IRAG2: variants seen among roughly 807,000 people sequenced by gnomAD.
The protein encoded by IRAG2 is lymphoid restricted membrane protein.
Under a neutral mutation model 69.9 loss-of-function variants are expected in IRAG2, and 45 were observed. That is an observed-to-expected ratio of 0.64 (90% CI 0.51 to 0.83). The LOEUF (loss-of-function observed/expected upper bound fraction) is 0.83, where lower values mean the gene tolerates loss of function less well. IRAG2 is among the 40% of genes least tolerant of loss of function. The pLI, the probability that IRAG2 is intolerant of heterozygous loss-of-function variation, is 0.00. For missense variants in IRAG2, 520 were observed against 587.0 expected (o/e 0.89, Z 1.18); for synonymous variants, 193 against 202.4 (o/e 0.95, Z 0.40).
rs114693601 is a variant in IRAG2, at chr12:25,079,875, G to A, written c.244+112G>A. On this transcript the variant is annotated intron_variant, in intron 9 of 21. Coordinates refer to ENST00000556887, the MANE Select transcript of IRAG2 (RefSeq NM_001366544.2). Reference sequence around the variant, plus strand: ...TCAATAATGTTATTTAATTTTTTTTGTAAAATAATTCTTATAAAACAATTT... The same window carrying A: ...TCAATAATGTTATTTAATTTTTTTTATAAAATAATTCTTATAAAACAATTT... The A allele has an allele frequency of 2.2e-3, 1,405 of 637,038 alleles. 13 individuals carry two copies. Among genetic ancestry groups the A allele is most frequent in the African/African-American group, 0.017 (911 of 54,134 alleles). The allele number at this position is 637,038 out of a possible 1,614,324, so 39.5% of individuals were successfully genotyped here. A position where few individuals can be genotyped will look rare whatever the true frequency, so the allele number is the denominator to read the frequency against.
intron 10 of IRAG2, chr12:25,030,372 G>A (rs1027397597): frequency 1.7e-6 from 2 of 1,203,796 alleles, no homozygotes; most frequent in Admixed American, 8.5e-5. Flanking sequence ...CCATGGAATT[G>A]GCTAGCTCTC....
upstream of IRAG2, among the ~76,000 whole-genome samples, chr12:25,001,893 C>T (rs1234993824): frequency 6.6e-6 from 1 of 151,874 alleles, no homozygotes; most frequent in Non-Finnish European, 1.5e-5. Flanking sequence ...CCTCAGCCTC[C>T]TGAGTAGCTG....
chr12:25,013,789 C>T (rs1407847823), intron 3 of IRAG2, among the ~76,000 whole-genome samples: 8 of 149,012 alleles, frequency 5.4e-5, no homozygotes, highest in African/African-American at 2.0e-4. Flanking sequence ...TAAAAATATG[C>T]ATAGGAAAAT....
intron 8 of IRAG2, among the ~76,000 whole-genome samples, chr12:25,026,294 A>G (rs1944620970): frequency 6.6e-6 from 1 of 152,224 alleles, no homozygotes; most frequent in South Asian, 2.1e-4. Context: ...TTCTTTAAGC[A>G]TGTTCATCTG....
intron 10 of IRAG2, chr12:25,031,179 G>A (rs1944664925): frequency 1.8e-6 from 1 of 552,958 alleles, no homozygotes; most frequent in Non-Finnish European, 2.3e-6. Flanking sequence ...CATAGCTGTG[G>A]ACTTTGACTG....
chr12:25,060,044 A>T lies in IRAG2; in HGVS notation c.-446-1548A>T, dbSNP rs574982319. ...AATTTTCCTGGCTGTTAGTGATTTT[A>T]AAAAAAAGTGGTAGCTATTAATATG... On this transcript the variant is annotated intron_variant, in intron 1 of 21. Coordinates refer to ENST00000556887, the MANE Select transcript of IRAG2 (RefSeq NM_001366544.2). Among the ~76,000 whole-genome samples the T allele has an allele frequency of 2.7e-3, 411 of 152,068 alleles. 1 individual carries two copies. Among genetic ancestry groups the T allele is most frequent in the Non-Finnish European group, 4.1e-3 (279 of 67,972 alleles).
exon 2 of IRAG2, chr12:25,005,272 A>G: frequency 1.6e-6 from 2 of 1,230,650 alleles, no homozygotes; most frequent in Non-Finnish European, 1.0e-6. Context: ...ATGGTAAAGA[A>G]GATGTAATAT....
At chr12:25,088,225 C>T (rs1947780555) in intron 11 of IRAG2, 68 bp downstream of exon 11, 1 of 1,287,898 alleles carries the variant, frequency 7.8e-7, no homozygotes, top group Non-Finnish European at 1.1e-6. Flanking sequence ...TGGGTGAAAT[C>T]TGTCTGAATA....
chr12:25,015,842 A>G (rs894630044), intron 5 of IRAG2, among the ~76,000 whole-genome samples: 1 of 152,340 alleles, frequency 6.6e-6, no homozygotes, highest in Admixed American at 6.5e-5. Flanking sequence ...TTGGGTATTA[A>G]GGAGAGTGAT....
chr12:25,027,999 C>T (rs1387698942), intron 9 of IRAG2, among the ~76,000 whole-genome samples: 1 of 152,054 alleles, frequency 6.6e-6, no homozygotes, highest in East Asian at 1.9e-4. Flanking sequence ...GATTTTGGCT[C>T]ACTGCAACCT....
intron 6 of IRAG2, among the ~76,000 whole-genome samples, chr12:25,077,352 G>GATATATGAAAT (rs1565563532): frequency 2.1e-4 from 5 of 24,048 alleles, no homozygotes; most frequent in African/African-American, 6.4e-4. Context: ...ATATATATAT[G>GATATATGAAAT]ATATATATGA....
chr12:25,070,765 T>C (rs1946291215), intron 6 of IRAG2, among the ~76,000 whole-genome samples: 1 of 152,220 alleles, frequency 6.6e-6, no homozygotes, highest in African/African-American at 2.4e-5. Context: ...CAGCAATGTA[T>C]GAAGATTCCG....
At chr12:25,018,314 C>T (rs1944549323) in intron 6 of IRAG2, among the ~76,000 whole-genome samples, 1 of 149,108 alleles carries the variant, frequency 6.7e-6, no homozygotes, top group Non-Finnish European at 1.5e-5. Flanking sequence ...GATCTTCTGG[C>T]CTCACCCCCC....
At chr12:25,013,881 T>C (rs1944498828) in intron 3 of IRAG2, among the ~76,000 whole-genome samples, 1 of 130,552 alleles carries the variant, frequency 7.7e-6, no homozygotes, top group African/African-American at 2.8e-5. Flanking sequence ...TTTTTTTTTT[T>C]TTTTTTTTTT....
At chr12:25,036,214 G>C (rs1042905614) in intron 14 of IRAG2, among the ~76,000 whole-genome samples, 2 of 152,182 alleles carry the variant, frequency 1.3e-5, no homozygotes, top group Non-Finnish European at 2.9e-5. Context: ...CCCTTTCATA[G>C]TGCCTAGCAT....
chr12:25,103,858 A>C lies in IRAG2; in HGVS notation c.955A>C (p.Thr319Pro). The C allele has an allele frequency of 6.2e-7, 1 of 1,613,170 alleles. No individual in the cohort carries two copies. Among genetic ancestry groups the C allele is most frequent in the Non-Finnish European group, 8.5e-7 (1 of 1,179,294 alleles). ...GTAGCCATCTTCTCTACGAAGAGTG[A>C]CTATTGCCTCTTTACCCAGAAATAT... ...NSKPSSLRRVTIASLPRNIGN... is the reference protein window; with the variant it reads ...NSKPSSLRRVPIASLPRNIGN... Residue 319 changes from threonine to proline, a missense_variant, in exon 18 of 22, where the codon ACT becomes CCT. Transcript: ENST00000556887.
chr12:25,055,018 A>T (rs1945143874), intron 1 of IRAG2, among the ~76,000 whole-genome samples: 1 of 152,262 alleles, frequency 6.6e-6, no homozygotes, highest in South Asian at 2.1e-4. Context: ...AAAACAAAAC[A>T]TATTTATATC....
At chr12:25,064,822 G>A (rs112245629) in intron 4 of IRAG2, among the ~76,000 whole-genome samples, 1,527 of 152,306 alleles carry the variant, frequency 0.01, 9 homozygotes, top group Middle Eastern at 0.02. Flanking sequence ...AGGTGCAGTG[G>A]CTCAAGCCTG....
intron 10 of IRAG2, among the ~76,000 whole-genome samples, chr12:25,087,824 C>T (rs1035236030): frequency 2.6e-5 from 4 of 152,132 alleles, no homozygotes; most frequent in African/African-American, 9.7e-5. Context: ...CTATTGTGAA[C>T]TGTGCAAGCG....
Sources: allele counts gnomAD v4.1 joint callset (sites outside exome capture counted in the v4.1 genomes callset), GRCh38; gene constraint gnomAD v4.1.1; transcripts MANE v1.5; gene names NCBI Gene and HGNC (gene_info 2026-07-23, HGNC 2026-07-21).